KANK1: variants seen among roughly 807,000 people sequenced by gnomAD.
The protein encoded by KANK1 is KN motif and ankyrin repeat domain-containing protein 1.
Under a neutral mutation model 106.2 loss-of-function variants are expected in KANK1, and 109 were observed. The ratio of observed to expected loss-of-function variants is 1.03; its 90% CI spans 0.88 to 1.20. KANK1 has a LOEUF of 1.20. Ranked by LOEUF, KANK1 falls within the 50% of genes most tolerant of loss-of-function variation. The pLI is 0.00. For missense variants in KANK1, 2,399 were observed against 1,710.7 expected, an observed-to-expected ratio of 1.40 and a Z score of -7.10; for synonymous variants, 873 against 652.2, an observed-to-expected ratio of 1.34 and a Z score of -5.16.
At chr9:521,833 G>C (rs2059569571) in intron 1 of KANK1, among the ~76,000 whole-genome samples, 1 of 151,648 alleles carries the variant, frequency 6.6e-6, no homozygotes, top group South Asian at 2.1e-4. Flanking sequence ...CTGCCAAAGT[G>C]CTGGGATTAC....
intron 3 of KANK1, among the ~76,000 whole-genome samples, chr9:480,998 C>G (rs112782629): frequency 6.6e-6 from 1 of 152,180 alleles, no homozygotes; most frequent in Non-Finnish European, 1.5e-5. Flanking sequence ...ATTTAGTACA[C>G]CTAACCTACC....
At chr9:578,772 C>T (rs1022541494) in intron 1 of KANK1, among the ~76,000 whole-genome samples, 1 of 152,084 alleles carries the variant, frequency 6.6e-6, no homozygotes, top group Non-Finnish European at 1.5e-5. Flanking sequence ...CCAAATCCTA[C>T]CAGTTCTGTC....
At chr9:655,146 G>C (rs751774790) in intron 1 of KANK1, among the ~76,000 whole-genome samples, 19 of 152,068 alleles carry the variant, frequency 1.2e-4, no homozygotes, top group Non-Finnish European at 2.5e-4. Flanking sequence ...AAGGCGAGTG[G>C]ATCACCTGCG....
At chr9:737,170 T>TGTC in intron 7 of KANK1, among the ~76,000 whole-genome samples, 1 of 152,162 alleles carries the variant, frequency 6.6e-6, no homozygotes. Flanking sequence ...GAAGACATAA[T>TGTC]TTCCCTTCTT....
intron 2 of KANK1, among the ~76,000 whole-genome samples, chr9:694,167 A>G (rs1820652379): frequency 6.6e-6 from 1 of 152,166 alleles, no homozygotes; most frequent in Admixed American, 6.5e-5. Context: ...TCTTGTATAA[A>G]CACTATAAAA....
At chr9:716,181 G>A (rs1827645837) in intron 3 of KANK1, among the ~76,000 whole-genome samples, 1 of 152,176 alleles carries the variant, frequency 6.6e-6, no homozygotes, top group African/African-American at 2.4e-5. Flanking sequence ...AAGTTGTTCA[G>A]TTTGGGCTCT....
chr9:555,909 A>G (rs1326062546), intron 1 of KANK1, among the ~76,000 whole-genome samples: 1 of 152,260 alleles, frequency 6.6e-6, no homozygotes, highest in Non-Finnish European at 1.5e-5. Flanking sequence ...AACCTTCATG[A>G]TGTTATAATA....
At chr9:720,033 A>C (rs1354764281) in intron 3 of KANK1, among the ~76,000 whole-genome samples, 1 of 152,234 alleles carries the variant, frequency 6.6e-6, no homozygotes, top group Non-Finnish European at 1.5e-5. Context: ...ATAAAAGCTA[A>C]GTGCACTTCG....
At chr9:576,583 G>A (rs1019152877) in intron 1 of KANK1, among the ~76,000 whole-genome samples, 1 of 152,120 alleles carries the variant, frequency 6.6e-6, no homozygotes, top group Non-Finnish European at 1.5e-5. Flanking sequence ...CGTTTGCTTC[G>A]ATTCTTTCAC....
At chr9:548,799 C>G (rs2061093785) in intron 1 of KANK1, among the ~76,000 whole-genome samples, 1 of 152,040 alleles carries the variant, frequency 6.6e-6, no homozygotes, top group South Asian at 2.1e-4. Flanking sequence ...AAAATAGAGG[C>G]TAGGCACAGT....
Position 647,535 on chromosome 9 carries a change from T to TA in KANK1, c.-83-29354dup, listed in dbSNP as rs1839944266. Among the ~76,000 whole-genome samples the TA allele has an allele frequency of 1.3e-5, 2 of 150,858 alleles. 1 individual carries two copies. The highest frequency in any genetic ancestry group is 5.0e-5 in the African/African-American group (2 of 40,190). ...AGTTTTCTAGTATAGTCTTTCATCT[T>TA]ACGAAAATATATTTAATCCCCACTC... On this transcript the variant is annotated intron_variant, in intron 1 of 11. Transcript: ENST00000382297.
At chr9:682,998 C>G (rs1018056658) in intron 2 of KANK1, among the ~76,000 whole-genome samples, 2 of 152,120 alleles carry the variant, frequency 1.3e-5, no homozygotes, top group Non-Finnish European at 2.9e-5. Context: ...GCAGGAATTA[C>G]GTGCTATTTG....
chr9:743,354 G>A (rs1006533376), intron 10 of KANK1, among the ~76,000 whole-genome samples: 29 of 152,204 alleles, frequency 1.9e-4, no homozygotes, highest in Middle Eastern at 3.2e-3. Flanking sequence ...AGGAGCACAT[G>A]GAAGCTGCAG....
intron 1 of KANK1, among the ~76,000 whole-genome samples, chr9:624,249 G>A (rs1365785242): frequency 6.6e-6 from 1 of 152,092 alleles, no homozygotes; most frequent in Non-Finnish European, 1.5e-5. Context: ...GTGAGATGCT[G>A]GTCAAAGGGT....
chr9:732,362 C>G lies in KANK1; in HGVS notation c.3006-16C>G, dbSNP rs201388080. On this transcript the variant is annotated splice_polypyrimidine_tract_variant and intron_variant, in intron 5 of 11. Transcript: ENST00000382297. Reference sequence around the variant, plus strand: ...GAGCACACCTTGCATCTCCTGAAATCCCAATTGCCACCTAGGTATGAAACA... The same window carrying G: ...GAGCACACCTTGCATCTCCTGAAATGCCAATTGCCACCTAGGTATGAAACA... 1.2e-4 allele frequency: 194 copies of G among 1,601,368 alleles called. No homozygotes were observed. Among genetic ancestry groups the G allele is most frequent in the Admixed American group, 3.5e-4 (21 of 59,730 alleles).
At chr9:614,335 G>C (rs1046667481) in intron 1 of KANK1, among the ~76,000 whole-genome samples, 1 of 152,124 alleles carries the variant, frequency 6.6e-6, no homozygotes, top group Non-Finnish European at 1.5e-5. Context: ...TCTCTATTCA[G>C]GTAATAGGAT....
intron 3 of KANK1, among the ~76,000 whole-genome samples, chr9:724,882 G>A (rs948507799): frequency 6.6e-6 from 1 of 152,178 alleles, no homozygotes; most frequent in East Asian, 1.9e-4. Context: ...TCTAAGTAAT[G>A]ATGAATGGAC....
intron 1 of KANK1, among the ~76,000 whole-genome samples, chr9:567,424 T>G (rs146921843): frequency 6.6e-6 from 1 of 152,252 alleles, no homozygotes; most frequent in Non-Finnish European, 1.5e-5. Flanking sequence ...ATTCTCATTC[T>G]TGCTTTAAAG....
At chr9:504,091 C>T (rs968380533), upstream of KANK1, among the ~76,000 whole-genome samples, 13 of 152,244 alleles carry the variant, frequency 8.5e-5, no homozygotes, top group Middle Eastern at 3.4e-3. Context: ...GCTCTGCACG[C>T]TCCGGTCCCC....
Sources: gnomAD v4.1 joint callset for allele counts (sites outside exome capture counted in the v4.1 genomes callset) on GRCh38, gnomAD v4.1.1 for gene constraint, MANE v1.5 for transcripts, NCBI Gene and HGNC (gene_info 2026-07-23, HGNC 2026-07-21) for gene names.